The following CADPS2 variants were observed in gnomAD, a reference collection of about 807,000 sequenced individuals.
The protein encoded by CADPS2 is calcium-dependent secretion activator 2.
In CADPS2, 93 loss-of-function variants were observed where a neutral mutation model predicts 172.5. That is an observed-to-expected ratio of 0.54 (90% confidence interval 0.46 to 0.64). CADPS2 has a LOEUF of 0.64. Ranked by LOEUF, CADPS2 falls within the 30% of genes least tolerant of loss-of-function variation. The pLI is 0.00. For missense variants in CADPS2, 1,420 were observed against 1,565.9 expected (o/e 0.91, Z 1.57); for synonymous variants, 546 against 555.2 (o/e 0.98, Z 0.23).
chr7:122,768,837 A>T (rs1343130871), intron 1 of CADPS2, among the ~76,000 whole-genome samples: 1 of 152,190 alleles, frequency 6.6e-6, no homozygotes, highest in Non-Finnish European at 1.5e-5. Flanking sequence ...TGGAAGATAT[A>T]TTTTATGCTA....
intron 7 of CADPS2, among the ~76,000 whole-genome samples, chr7:122,570,647 T>TGATAGACTG (rs1462320657): frequency 2.0e-5 from 3 of 150,726 alleles, no homozygotes; most frequent in African/African-American, 7.4e-5. Context: ...TGTCCAACAA[T>TGATAGACTG]GATAGACTGG....
chr7:122,729,546 T>C, intron 2 of CADPS2, among the ~76,000 whole-genome samples: 1 of 151,874 alleles, frequency 6.6e-6, no homozygotes, highest in South Asian at 2.1e-4. Flanking sequence ...TTTTGCCTTT[T>C]TAATAATAGC....
chr7:122,476,336 G>A (rs993492427), intron 12 of CADPS2, among the ~76,000 whole-genome samples: 3 of 151,510 alleles, frequency 2.0e-5, no homozygotes, highest in African/African-American at 7.3e-5. Context: ...AATTTCACAG[G>A]AAAAAGACCT....
intron 1 of CADPS2, among the ~76,000 whole-genome samples, chr7:122,772,144 A>G (rs1377101932): frequency 6.6e-6 from 1 of 152,224 alleles, no homozygotes; most frequent in Non-Finnish European, 1.5e-5. Flanking sequence ...TACTGCTTAG[A>G]TGAGAACTGA....
At chr7:122,623,653 A>G (rs1201097134) in intron 4 of CADPS2, among the ~76,000 whole-genome samples, 1 of 152,304 alleles carries the variant, frequency 6.6e-6, no homozygotes, top group East Asian at 1.9e-4. Context: ...TTACCTTAGT[A>G]ATGCCCCCAA....
chr7:122,637,381 G>T (rs1009057930), intron 3 of CADPS2, among the ~76,000 whole-genome samples: 15 of 151,542 alleles, frequency 9.9e-5, no homozygotes, highest in Non-Finnish European at 1.9e-4. Flanking sequence ...AGAACAGGAG[G>T]CTGACCTCAA....
chr7:122,356,383 T>A (rs890442991), intron 27 of CADPS2, among the ~76,000 whole-genome samples: 3 of 152,206 alleles, frequency 2.0e-5, no homozygotes, highest in Non-Finnish European at 4.4e-5. Flanking sequence ...TTTCATCACA[T>A]CCTGTCAAAG....
intron 3 of CADPS2, among the ~76,000 whole-genome samples, chr7:122,649,310 T>C (rs1367786940): frequency 6.6e-6 from 1 of 152,114 alleles, no homozygotes; most frequent in Admixed American, 6.5e-5. Context: ...AAAACCTTTA[T>C]TAAACTTCAA....
At chr7:122,673,329 G>C (rs776735409) in intron 2 of CADPS2, among the ~76,000 whole-genome samples, 2 of 152,206 alleles carry the variant, frequency 1.3e-5, no homozygotes, top group Non-Finnish European at 2.9e-5. Context: ...CCATTTTACA[G>C]AGAACTGATT....
intron 2 of CADPS2, among the ~76,000 whole-genome samples, chr7:122,732,851 GTATAT>G (rs1447193453): frequency 7.6e-6 from 1 of 132,132 alleles, no homozygotes; most frequent in African/African-American, 2.7e-5. Flanking sequence ...TATATGCTAT[GTATAT>G]TATATGATAT....
intron 6 of CADPS2, among the ~76,000 whole-genome samples, chr7:122,599,165 A>G (rs1480146454): frequency 6.6e-6 from 1 of 152,242 alleles, no homozygotes; most frequent in East Asian, 1.9e-4. Context: ...CAGGCCAGGG[A>G]AGTTCAATAA....
intron 1 of CADPS2, among the ~76,000 whole-genome samples, chr7:122,762,009 A>AT (rs1187054992): frequency 2.6e-4 from 21 of 80,626 alleles, no homozygotes; most frequent in African/African-American, 1.2e-3. Flanking sequence ...AAAAAAAAAA[A>AT]AAAAATATAT....
rs1292891470 is a variant in CADPS2, at chr7:122,477,733, G to C, written c.1861+3119C>G. Among the ~76,000 whole-genome samples the C allele has an allele frequency of 3.9e-5, 6 of 152,208 alleles. No homozygotes were observed. In the East Asian group the frequency reaches 1.2e-3, roughly 29 times the overall value. ...AGGGATACATATAGACAGTAAAATGGTTACAATACAGATGCAAATTAGCAA... is the reference window on the plus strand; with the variant it reads ...AGGGATACATATAGACAGTAAAATGCTTACAATACAGATGCAAATTAGCAA... On this transcript the variant is annotated intron_variant, in intron 12 of 29. Coordinates refer to ENST00000449022, the MANE Select transcript of CADPS2 (RefSeq NM_017954.11).
chr7:122,529,727 T>C (rs1054606542), intron 8 of CADPS2, among the ~76,000 whole-genome samples: 1 of 152,106 alleles, frequency 6.6e-6, no homozygotes, highest in Non-Finnish European at 1.5e-5. Flanking sequence ...AGAAGGTATG[T>C]TATTTTTCCA....
chr7:122,519,030 C>T (rs990687273), intron 8 of CADPS2, among the ~76,000 whole-genome samples: 1 of 150,124 alleles, frequency 6.7e-6, no homozygotes. Flanking sequence ...ACACAAATAT[C>T]ATCAGTTTTC....
chr7:122,456,772 G>A (rs924753483), intron 14 of CADPS2, among the ~76,000 whole-genome samples: 5 of 152,146 alleles, frequency 3.3e-5, no homozygotes, highest in Non-Finnish European at 5.9e-5. Context: ...GCATACACAC[G>A]TGTGCACACA....
chr7:122,320,136 C>T lies in CADPS2; in HGVS notation c.*29G>A. On this transcript the variant is annotated 3_prime_UTR_variant, in exon 30 of 30. Coordinates refer to ENST00000449022, the MANE Select transcript of CADPS2 (RefSeq NM_017954.11). ...AATAAAAAACAATGTCGATCAAGGT[C>T]TTCCTTCCTTCTGCAAAGCTGTGTG... 7.0e-7 allele frequency: 1 copy of T among 1,436,262 alleles called. No individual in the cohort carries two copies. Among genetic ancestry groups the T allele is most frequent in the Non-Finnish European group, 9.5e-7 (1 of 1,051,102 alleles). 89.0% of individuals were successfully genotyped at this position (1,436,262 alleles called of 1,614,324 possible).
intron 27 of CADPS2, among the ~76,000 whole-genome samples, chr7:122,356,979 G>T (rs1335031018): frequency 6.6e-6 from 1 of 152,064 alleles, no homozygotes; most frequent in African/African-American, 2.4e-5. Context: ...GTTGCTACTG[G>T]GGCATCACTG....
intron 24 of CADPS2, among the ~76,000 whole-genome samples, chr7:122,385,774 G>A (rs1394773818): frequency 1.3e-5 from 2 of 151,978 alleles, no homozygotes; most frequent in Admixed American, 1.3e-4. Flanking sequence ...TCACTGGTGG[G>A]CTTGTACCTC....
Sources: gnomAD v4.1 joint callset for allele counts (sites outside exome capture counted in the v4.1 genomes callset) on GRCh38, gnomAD v4.1.1 for gene constraint, MANE v1.5 for transcripts, NCBI Gene and HGNC (gene_info 2026-07-23, HGNC 2026-07-21) for gene names.